Variants in SIPA1 observed in about 807,000 individuals in gnomAD.
SIPA1 encodes signal-induced proliferation-associated protein 1.
In SIPA1, 51 loss-of-function variants were observed where a neutral mutation model predicts 88.1. The observed-to-expected ratio is 0.58, with a 90% CI of 0.46 to 0.73. The LOEUF (loss-of-function observed/expected upper bound fraction) is 0.73, where lower values mean the gene tolerates loss of function less well. Among genes scored for constraint, SIPA1 ranks in the 30% least tolerant of loss-of-function variants. The pLI, the probability that SIPA1 is intolerant of heterozygous loss-of-function variation, is 0.00. For missense variants in SIPA1, 1,348 were observed against 1,467.6 expected (o/e 0.92, Z 1.33); for synonymous variants, 681 against 664.8 (o/e 1.02, Z -0.37).
chr11:65,644,968 G>T lies in SIPA1; in HGVS notation c.998G>T (p.Arg333Leu). Residue 333 changes from arginine (R) to leucine (L), a missense_variant, in exon 5 of 16, where the codon CGC (arginine) becomes CTC (leucine). Around this residue, in one of 4 missense-constraint regions of SIPA1, gnomAD observed 641 missense variants for 797.7 expected, o/e 0.80. Coordinates refer to ENST00000534313, the MANE Select transcript of SIPA1 (RefSeq NM_006747.4). ...TLDEQVLSFQ[R>L]KVGILYCRAG... ...TCCCACCCACAGCTGAGCTTCCAAC[G>T]CAAGGTGGGCATCCTGTACTGCCGG... 2 of 1,613,004 alleles carry T rather than the reference G, an allele frequency of 1.2e-6. No homozygotes were observed. Among genetic ancestry groups the T allele is most frequent in the South Asian group, 1.1e-5 (1 of 91,016 alleles).
chr11:65,647,767 T>C (rs1314914940), intron 9 of SIPA1, 109 bp downstream of exon 9: 9 of 874,096 alleles, frequency 1.0e-5, no homozygotes, highest in Non-Finnish European at 1.2e-5. Flanking sequence ...TGTGGATACC[T>C]TTCCTTCTGG....
Position 65,649,351 on chromosome 11 carries a change from C to G in SIPA1, c.2396C>G (p.Thr799Ser). 1 of 1,562,906 alleles carries G rather than the reference C, an allele frequency of 6.4e-7. No individual in the cohort carries two copies. Among genetic ancestry groups the G allele is most frequent in the Non-Finnish European group, 8.7e-7 (1 of 1,153,554 alleles). The change falls in exon 10 of 16, where the codon ACC (threonine) becomes AGC (serine). Residue 799 changes from threonine to serine, a missense_variant. Transcript: ENST00000534313. ...GTGCAGGATGAGGTCCAGGGGGTGACCCTGCTGCCCACCACAAAGCAGCTG... is the reference window on the plus strand; with the variant it reads ...GTGCAGGATGAGGTCCAGGGGGTGAGCCTGCTGCCCACCACAAAGCAGCTG... Reference protein sequence around the residue: ...DPVQDEVQGVTLLPTTKQLLH... With the variant: ...DPVQDEVQGVSLLPTTKQLLH...
At chr11:65,649,159 C>A in intron 9 of SIPA1, 103 bp from the exon 10 acceptor site, 1 of 796,610 alleles carries the variant, frequency 1.3e-6, no homozygotes, top group Non-Finnish European at 2.0e-6. Context: ...TGCCGGGGAG[C>A]TCTCCTGCTC....
rs1856034467 is a variant in SIPA1, at chr11:65,642,810, C to T, written c.984+171C>T. Among the ~76,000 whole-genome samples the T allele has an allele frequency of 6.6e-6, 1 of 152,318 alleles. No individual in the cohort carries two copies. On this transcript the variant is annotated intron_variant, in intron 4 of 15. Transcript: ENST00000534313. This position sits in a 1 kb window ranked among gnomAD's most constrained non-coding sequence, Gnocchi z 6.5. ...AGAGTTCATCTGGAGCCTTGCGTCT[C>T]AAAGTGAGCTCTGTAGACCAGCAGT...
rs770692840 is a variant in SIPA1 at position 65,647,528 on chromosome 11, G to A, written c.2176G>A (p.Ala726Thr). 4.4e-6 allele frequency: 6 copies of A among 1,359,344 alleles called. No homozygotes were observed. Among genetic ancestry groups the A allele is most frequent in the Non-Finnish European group, 5.7e-6 (6 of 1,058,874 alleles). The allele number at this position is 1,359,344 out of a possible 1,614,324, so 84.2% of individuals were successfully genotyped here. ...FAETAGLRPG[A>T]RLLRVCGQTL... ...CGAGACGGCGGGGCTGCGGCCCGGG[G>A]CGCGCCTCCTGCGCGTGTGCGGCCA... The change falls in exon 9 of 16, where the codon GCG becomes ACG. Residue 726 changes from alanine (A) to threonine (T), a missense_variant. Transcript: ENST00000534313.
At position 65,646,750 on chromosome 11, in the gene SIPA1, C is replaced by T. The variant is rs1156265684; in HGVS notation, c.1716C>T (p.Gly572=). 6.6e-7 allele frequency: 1 copy of T among 1,505,568 alleles called. No individual in the cohort carries two copies. Among genetic ancestry groups the T allele is most frequent in the Admixed American group, 2.3e-5 (1 of 43,316 alleles). The allele number at this position is 1,505,568 out of a possible 1,614,324, so 93.3% of individuals were successfully genotyped here. Residue 572 remains glycine (G), a synonymous_variant, in exon 8 of 16, where the codon GGC becomes GGT. Transcript: ENST00000534313. This position sits in a 1 kb window ranked among gnomAD's most constrained non-coding sequence, Gnocchi z 7.5. ...GCCGGGCGGCCCCTCGGGGCCCAGG[C>T]GCCGAGCTGCAGGCAGCGGGCTCAC... The part of the protein sequence containing the change: ...GRRRAAPRGP[G]AELQAAGSLV...
chr11:65,647,588 C>G lies in SIPA1; in HGVS notation c.2236C>G (p.Gln746Glu), dbSNP rs904503979. Residue 746 changes from glutamine to glutamate, a missense_variant, in exon 9 of 16, where the codon CAG becomes GAG. Physicochemically the swap from Gln to Glu is conservative, Grantham distance 29 (BLOSUM62 2). Around this residue, in one of 4 missense-constraint regions of SIPA1, gnomAD observed 615 missense variants for 559.8 expected, o/e 1.10. Coordinates refer to ENST00000534313, the MANE Select transcript of SIPA1 (RefSeq NM_006747.4). The part of the protein sequence containing the change: ...LPSLRPEAAA[Q>E]LLRSAPKVCV... The stretch of plus-strand genomic sequence containing the variant: ...CAGCCTCCGGCCCGAGGCCGCTGCC[C>G]AGCTCCTGCGCTCGGCGCCCAAGGT... 49 of 1,381,280 alleles carry G rather than the reference C, an allele frequency of 3.5e-5. No homozygotes were observed. The African/African-American group carries it at 6.8e-4, about 19-fold the overall frequency. 85.6% of individuals were successfully genotyped at this position (1,381,280 alleles called of 1,614,324 possible).
chr11:65,645,030 C>G lies in SIPA1; in HGVS notation c.1060C>G (p.Gln354Glu), dbSNP rs552739888. 117 of 1,614,050 alleles carry G rather than the reference C, an allele frequency of 7.2e-5. No individual in the cohort carries two copies. The East Asian group carries it at 2.6e-3, about 36-fold the overall frequency. ...QGSEEEMYNN[Q>E]EAGPAFMQFL... ...CTCGGAGGAGGAGATGTACAACAAC[C>G]AGGAGGCGGGACCGGCCTTCATGCA... Residue 354 changes from glutamine (Q) to glutamate (E), a missense_variant, in exon 5 of 16, where the codon CAG becomes GAG. Gln to Glu is a conservative substitution (Grantham distance 29). Around this residue, in one of 4 missense-constraint regions of SIPA1, gnomAD observed 641 missense variants for 797.7 expected, o/e 0.80. Coordinates refer to ENST00000534313, the MANE Select transcript of SIPA1 (RefSeq NM_006747.4).
In SIPA1 at chr11:65,647,645, G is replaced by A. The variant is rs1441068852; in HGVS notation, c.2293G>A (p.Gly765Ser). 7 of 1,372,744 alleles carry A rather than the reference G, an allele frequency of 5.1e-6. No individual in the cohort carries two copies. In the East Asian group the frequency reaches 9.8e-5, roughly 19 times the overall value. The allele number at this position is 1,372,744 out of a possible 1,614,324, so 85.0% of individuals were successfully genotyped here. The change falls in exon 9 of 16, where the codon GGC becomes AGC. Residue 765 changes from glycine (G) to serine (S), a missense_variant. Transcript: ENST00000534313. ...CVTVLPPDES[G>S]RPRRSFSELY... is the part of the protein sequence containing the mutation. ...CACCGTCCTGCCCCCCGACGAGAGC[G>A]GCCGGCCCCGCAGGTCAGGGTGCCG...
rs1590917153 is a variant in SIPA1 at position 65,640,978 on chromosome 11, C to T, written c.57C>T (p.Ser19=). 2 of 1,580,282 alleles carry T rather than the reference C, an allele frequency of 1.3e-6. No homozygotes were observed. The highest frequency in any genetic ancestry group is 1.1e-5 in the South Asian group (1 of 87,310). Residue 19 remains serine (S), a synonymous_variant, in exon 2 of 16, where the codon TCC becomes TCT. Transcript: ENST00000534313. The stretch of plus-strand genomic sequence containing the variant: ...CTCGGCGGGGCATGGCCCCTGCGTC[C>T]ACAGATGACCTCTTTGCCCGCAAGC... The part of the protein sequence containing the change: ...GSPRRGMAPA[S]TDDLFARKLR...
chr11:65,642,947 G>A lies in SIPA1; in HGVS notation c.984+308G>A, dbSNP rs1450659898. 7.6e-6 allele frequency among the ~76,000 whole-genome samples: 1 copy of A among 131,910 alleles called. No homozygotes were observed. The highest frequency in any genetic ancestry group is 1.6e-5 in the Non-Finnish European group (1 of 63,850). The allele number at this position is 131,910 out of a possible 152,430, so 86.5% of individuals were successfully genotyped here. Reference sequence around the variant, plus strand: ...TTTATTTATTTTGAGATGGAGTCTCGCTCTGTCACCCAGGCTGGAGTGCAA... The same window carrying A: ...TTTATTTATTTTGAGATGGAGTCTCACTCTGTCACCCAGGCTGGAGTGCAA... On this transcript the variant is annotated intron_variant, in intron 4 of 15. Transcript: ENST00000534313. The surrounding 1 kb of genome is among the most constrained non-coding windows in gnomAD (Gnocchi z 6.5).
Position 65,646,761 on chromosome 11 carries a change from A to G in SIPA1, c.1727A>G (p.Gln576Arg). Residue 576 changes from glutamine to arginine, a missense_variant, in exon 8 of 16, where the codon CAG becomes CGG. Around this residue, in one of 4 missense-constraint regions of SIPA1, gnomAD observed 68 missense variants for 59.0 expected, o/e 1.15. Transcript: ENST00000534313. The surrounding 1 kb of genome is among the most constrained non-coding windows in gnomAD (Gnocchi z 7.5). ...CCTCGGGGCCCAGGCGCCGAGCTGCAGGCAGCGGGCTCACTGGTGTGGGGA... is the reference window on the plus strand; with the variant it reads ...CCTCGGGGCCCAGGCGCCGAGCTGCGGGCAGCGGGCTCACTGGTGTGGGGA... Reference protein sequence around the residue: ...AAPRGPGAELQAAGSLVWGVR... With the variant: ...AAPRGPGAELRAAGSLVWGVR... 1.3e-6 allele frequency: 2 copies of G among 1,493,406 alleles called. No individual in the cohort carries two copies. The highest frequency in any genetic ancestry group is 1.4e-5 in the African/African-American group (1 of 70,242). The allele number at this position is 1,493,406 out of a possible 1,614,324, so 92.5% of individuals were successfully genotyped here.
At chr11:65,644,166 GA>G (rs1856062377) in intron 4 of SIPA1, among the ~76,000 whole-genome samples, 1 of 151,650 alleles carries the variant, frequency 6.6e-6, no homozygotes. Flanking sequence ...GGCAGCCGGA[GA>G]AAAAGGCCCG....
In SIPA1 at chr11:65,649,500, C is replaced by T. The variant is rs781425269; in HGVS notation, c.2525+20C>T. On this transcript the variant is annotated intron_variant, in intron 10 of 15. Coordinates refer to ENST00000534313, the MANE Select transcript of SIPA1 (RefSeq NM_006747.4). ...ACGCAGGTGCACACTCTTGGCCTTC[C>T]CTCTCCTCCAGGCCTCTGGGAAAGC... 1 of 1,613,590 alleles carries T rather than the reference C, an allele frequency of 6.2e-7. No homozygotes were observed. Among genetic ancestry groups the T allele is most frequent in the African/African-American group, 1.3e-5 (1 of 74,920 alleles).
At chr11:65,641,691 T>A (rs1405027628) in intron 2 of SIPA1, 91 bp downstream of exon 2, 6 of 1,205,294 alleles carry the variant, frequency 5.0e-6, no homozygotes, top group Non-Finnish European at 6.8e-6. Flanking sequence ...TCATGAACTG[T>A]CCATTTCCTG....
rs1267323415 is a variant in SIPA1, at chr11:65,649,541, G to A, written c.2526-20G>A. The A allele has an allele frequency of 1.2e-6, 2 of 1,614,014 alleles. No homozygotes were observed. The highest frequency in any genetic ancestry group is 1.7e-6 in the Non-Finnish European group (2 of 1,179,970). ...CTGGGAAAGCGGCTTCCCTTTCTGA[G>A]CCACCCCTGCTCTCCCCAGCTCTCT... is the stretch of plus-strand genomic sequence containing the variant. On this transcript the variant is annotated intron_variant, in intron 10 of 15. Transcript: ENST00000534313.
chr11:65,650,845 G>T lies in SIPA1; in HGVS notation c.*130G>T. 2 of 1,000,204 alleles carry T rather than the reference G, an allele frequency of 2.0e-6. No individual in the cohort carries two copies. The highest frequency in any genetic ancestry group is 2.8e-6 in the Non-Finnish European group (2 of 706,732). 62.0% of individuals were successfully genotyped at this position (1,000,204 alleles called of 1,614,324 possible). ...AGCCCCTTATTTGGTGGCGGAAGTG[G>T]CCTCCACCCCTTCCCTGTTTGTAAA... On this transcript the variant is annotated 3_prime_UTR_variant, in exon 16 of 16. Transcript: ENST00000534313.
chr11:65,639,056 T>A (rs1029176151), intron 1 of SIPA1: 2 of 152,350 alleles, frequency 1.3e-5, no homozygotes, highest in Admixed American at 6.5e-5. Context: ...ACTCACCTCA[T>A]TCTTCTCAGT....
rs1260822913 is a variant in SIPA1, at chr11:65,646,032, C to T, written c.1263+75C>T. 1.5e-6 allele frequency: 2 copies of T among 1,336,966 alleles called. No individual in the cohort carries two copies. Among genetic ancestry groups the T allele is most frequent in the Non-Finnish European group, 2.1e-6 (2 of 954,582 alleles). 82.8% of individuals were successfully genotyped at this position (1,336,966 alleles called of 1,614,324 possible). A position where few individuals can be genotyped will look rare whatever the true frequency, so the allele number is the denominator to read the frequency against. On this transcript the variant is annotated intron_variant, in intron 6 of 15. Coordinates refer to ENST00000534313, the MANE Select transcript of SIPA1 (RefSeq NM_006747.4). The surrounding 1 kb of genome is among the most constrained non-coding windows in gnomAD (Gnocchi z 7.5). ...CCCTGCATGGCCCATGACGTTTGAG[C>T]TTTGGCCGGAGCTCTGTTGGCCCCA...
Sources: allele counts gnomAD v4.1 joint callset (sites outside exome capture counted in the v4.1 genomes callset), GRCh38; gene constraint gnomAD v4.1.1; regional missense constraint gnomAD v4.1.1; non-coding constraint Gnocchi (gnomAD v3.1); transcripts MANE v1.5; gene names NCBI Gene and HGNC (gene_info 2026-07-23, HGNC 2026-07-21).